LRP5: variants seen among roughly 807,000 people sequenced by gnomAD.
LRP5 encodes the protein low-density lipoprotein receptor-related protein 5.
LRP5 carries 62 observed loss-of-function variants against 154.1 expected under a neutral mutation model. That is an observed-to-expected ratio of 0.40 (90% CI 0.33 to 0.50). The LOEUF is 0.50. LRP5 is among the 20% of genes least tolerant of loss of function. The probability of loss-of-function intolerance (pLI) is 0.55; values close to 1 mark genes in which losing one functional copy is unlikely to be tolerated. For synonymous variants in LRP5, 966 were observed against 1,011.5 expected (o/e 0.96, Z 0.85); for missense variants, 1,915 against 2,336.7 (o/e 0.82, Z 3.72).
At chr11:68,367,834 C>T (rs1332275493) in intron 5 of LRP5, among the ~76,000 whole-genome samples, 3 of 152,116 alleles carry the variant, frequency 2.0e-5, no homozygotes, top group African/African-American at 4.8e-5. Flanking sequence ...GAGTCCAAGG[C>T]AGGTGGATCA....
rs1219762322 is a variant in LRP5 at position 68,443,585 on chromosome 11, ATTTTTTTT to A, written c.4489-2844_4489-2837del. On this transcript the variant is annotated intron_variant, in intron 21 of 22. Coordinates refer to ENST00000294304, the MANE Select transcript of LRP5 (RefSeq NM_002335.4). ...TATATATATATATATATATATATAT[ATTTTTTTT>A]TTTTTTGGTTATGTTCAGAAAGGCC... is the stretch of plus-strand genomic sequence containing the variant. Among the ~76,000 whole-genome samples the A allele has an allele frequency of 1.8e-3, 45 of 24,838 alleles. No homozygotes were observed. The East Asian group carries it at 0.023, about 13-fold the overall frequency. The allele number at this position is 24,838 out of a possible 152,430, so 16.3% of individuals were successfully genotyped here.
chr11:68,340,606 C>T (rs1465959072), intron 1 of LRP5, among the ~76,000 whole-genome samples: 2 of 152,132 alleles, frequency 1.3e-5, no homozygotes, highest in Admixed American at 1.3e-4. Flanking sequence ...TTGTCATGGG[C>T]CAGGTCTCAG....
chr11:68,383,291 A>G (rs1262729320), intron 5 of LRP5, among the ~76,000 whole-genome samples: 1 of 152,210 alleles, frequency 6.6e-6, no homozygotes, highest in Non-Finnish European at 1.5e-5. Context: ...CTGTGGGGCC[A>G]TGATGGACAC....
rs528544363 is a variant in LRP5 at position 68,417,291 on chromosome 11, G to A, written c.3027+764G>A. Among the ~76,000 whole-genome samples the A allele has an allele frequency of 3.9e-5, 6 of 152,156 alleles. No individual in the cohort carries two copies. The South Asian group carries it at 1.0e-3, about 26-fold the overall frequency. Reference sequence around the variant, plus strand: ...CAGTGAGCCCAGGGAGGTCAGAGACGGAGGTGTGTGTGTGGGTGTGACCCT... The same window carrying A: ...CAGTGAGCCCAGGGAGGTCAGAGACAGAGGTGTGTGTGTGGGTGTGACCCT... On this transcript the variant is annotated intron_variant, in intron 13 of 22. Transcript: ENST00000294304.
intron 15 of LRP5, among the ~76,000 whole-genome samples, 161 bp from the exon 16 acceptor site, chr11:68,425,817 C>G (rs1016921123): frequency 6.6e-6 from 1 of 152,054 alleles, no homozygotes; most frequent in Non-Finnish European, 1.5e-5. Context: ...TGTCTTGGGT[C>G]GGCCTGCTTC....
intron 1 of LRP5, among the ~76,000 whole-genome samples, chr11:68,347,494 C>T (rs530916719): frequency 6.6e-6 from 1 of 152,340 alleles, no homozygotes; most frequent in South Asian, 2.1e-4. Context: ...GGCTTCTCTG[C>T]AGAACAGGAC....
At chr11:68,421,008 T>C (rs574175863) in intron 13 of LRP5, among the ~76,000 whole-genome samples, 6 of 152,250 alleles carry the variant, frequency 3.9e-5, no homozygotes, top group Non-Finnish European at 4.4e-5. Context: ...GGGCGGATCA[T>C]GAGGTCAGGA....
chr11:68,428,023 G>A (rs1029122513), intron 16 of LRP5, among the ~76,000 whole-genome samples: 1 of 145,586 alleles, frequency 6.9e-6, no homozygotes, highest in African/African-American at 2.5e-5. Context: ...ATGGAGTTTC[G>A]TTTTTGTCGC....
At chr11:68,372,356 T>G (rs1447117415) in intron 5 of LRP5, among the ~76,000 whole-genome samples, 1 of 125,136 alleles carries the variant, frequency 8.0e-6, no homozygotes, top group African/African-American at 3.2e-5. Flanking sequence ...GGTGAGGAGG[T>G]GCAGTGTCAG....
At chr11:68,378,980 G>A (rs1018510013) in intron 5 of LRP5, among the ~76,000 whole-genome samples, 1 of 152,032 alleles carries the variant, frequency 6.6e-6, no homozygotes, top group African/African-American at 2.4e-5. Context: ...CCAGGAGACA[G>A]AGGTTGCAGT....
intron 9 of LRP5, among the ~76,000 whole-genome samples, chr11:68,408,369 A>T (rs1329135151): frequency 1.3e-5 from 2 of 149,932 alleles, no homozygotes; most frequent in Non-Finnish European, 1.5e-5. Flanking sequence ...GGCGTGAGCC[A>T]CCATGCCCAG....
rs1438785895 is a variant in LRP5 at position 68,409,091 on chromosome 11, T to TAC, written c.2092-822_2092-821insCA. Among the ~76,000 whole-genome samples, 21 of 43,582 alleles carry TAC rather than the reference T, an allele frequency of 4.8e-4. 2 individuals are homozygous for TAC. Among genetic ancestry groups the TAC allele is most frequent in the African/African-American group, 1.3e-3 (18 of 13,720 alleles). The allele number at this position is 43,582 out of a possible 152,430, so 28.6% of individuals were successfully genotyped here. A position where few individuals can be genotyped will look rare whatever the true frequency, so the allele number is the denominator to read the frequency against. On this transcript the variant is annotated intron_variant, in intron 9 of 22. Coordinates refer to ENST00000294304, the MANE Select transcript of LRP5 (RefSeq NM_002335.4). ...AAAAAAAAATATATATATATATATA[T>TAC]ATATACACACACATACACGCACACA...
At position 68,439,808 on chromosome 11, in the gene LRP5, C is replaced by T. The variant is rs11574420; in HGVS notation, c.4380C>T (p.Ser1460=). 3,643 of 1,611,778 alleles carry T rather than the reference C, an allele frequency of 2.3e-3. 10 individuals are homozygous for T. Among genetic ancestry groups the T allele is most frequent in the Non-Finnish European group, 2.5e-3 (2,988 of 1,179,656 alleles). Residue 1460 remains serine, a synonymous_variant, in exon 21 of 23, where the codon TCC becomes TCT. Coordinates refer to ENST00000294304, the MANE Select transcript of LRP5 (RefSeq NM_002335.4). The stretch of plus-strand genomic sequence containing the variant: ...CATGCGGAAAGTCCATGATGAGCTC[C>T]GTGAGCCTGATGGGGGGCCGGGGCG... ...GIACGKSMMS[S]VSLMGGRGGV... is the part of the protein sequence containing the mutation.
chr11:68,408,658 C>T (rs572466734), intron 9 of LRP5, among the ~76,000 whole-genome samples: 3 of 152,110 alleles, frequency 2.0e-5, no homozygotes, highest in South Asian at 2.1e-4. Flanking sequence ...TATTTGATGG[C>T]GCTGTGACAA....
chr11:68,439,821 G>C lies in LRP5; in HGVS notation c.4393G>C (p.Gly1465Arg), dbSNP rs771501940. 2 of 1,611,704 alleles carry C rather than the reference G, an allele frequency of 1.2e-6. No homozygotes were observed. Among genetic ancestry groups the C allele is most frequent in the Non-Finnish European group, 1.7e-6 (2 of 1,179,642 alleles). Reference protein sequence around the residue: ...KSMMSSVSLMGGRGGVPLYDR... With the variant: ...KSMMSSVSLMRGRGGVPLYDR... Reference sequence around the variant, plus strand: ...CATGATGAGCTCCGTGAGCCTGATGGGGGGCCGGGGCGGGGTGCCCCTCTA... The same window carrying C: ...CATGATGAGCTCCGTGAGCCTGATGCGGGGCCGGGGCGGGGTGCCCCTCTA... Residue 1465 changes from glycine to arginine, a missense_variant, in exon 21 of 23, where the codon GGG becomes CGG. By Grantham distance (125) the Gly-to-Arg change is moderately radical. Transcript: ENST00000294304.
intron 1 of LRP5, among the ~76,000 whole-genome samples, chr11:68,318,575 G>A (rs190358945): frequency 1.3e-5 from 2 of 151,856 alleles, no homozygotes; most frequent in African/African-American, 4.8e-5. Flanking sequence ...CTGGGCTCAA[G>A]CGATCCACCC....
intron 5 of LRP5, among the ~76,000 whole-genome samples, chr11:68,376,549 G>A (rs1028663869): frequency 2.0e-5 from 3 of 152,236 alleles, no homozygotes; most frequent in African/African-American, 7.2e-5. Context: ...TATGGAGGAA[G>A]GGCGCAGATG....
chr11:68,387,759 C>T (rs2153153869), intron 6 of LRP5, among the ~76,000 whole-genome samples: 1 of 152,262 alleles, frequency 6.6e-6, no homozygotes, highest in South Asian at 2.1e-4. Context: ...CTGTGGGTGC[C>T]GATGGGAAGT....
At chr11:68,411,927 G>T (rs1388845489) in intron 11 of LRP5, among the ~76,000 whole-genome samples, 1 of 152,150 alleles carries the variant, frequency 6.6e-6, no homozygotes, top group African/African-American at 2.4e-5. Context: ...AACACACATG[G>T]TGGTTTTCAT....
Sources: gnomAD v4.1 joint callset for allele counts (sites outside exome capture counted in the v4.1 genomes callset) on GRCh38, gnomAD v4.1.1 for gene constraint, MANE v1.5 for transcripts, NCBI Gene and HGNC (gene_info 2026-07-23, HGNC 2026-07-21) for gene names.